Variants in GPC5 observed in about 807,000 individuals in gnomAD.
GPC5 encodes the protein glypican-5.
Under a neutral mutation model 53.9 loss-of-function variants are expected in GPC5, and 47 were observed. The observed-to-expected ratio is 0.87, with a 90% CI of 0.69 to 1.11. The LOEUF is 1.11. Among genes scored for constraint, GPC5 ranks in the 50% most tolerant of loss-of-function variants. GPC5 has a pLI of 0.00. For missense variants in GPC5, 748 were observed against 713.1 expected (o/e 1.05, Z -0.56); for synonymous variants, 286 against 263.3 (o/e 1.09, Z -0.84).
intron 5 of GPC5, among the ~76,000 whole-genome samples, chr13:91,808,573 C>T (rs1341413138): frequency 1.3e-5 from 2 of 152,146 alleles, no homozygotes; most frequent in African/African-American, 4.8e-5. Flanking sequence ...GCACAGTGAA[C>T]ATTTACATCA....
chr13:92,032,511 A>G (rs1323226372), intron 6 of GPC5, among the ~76,000 whole-genome samples: 1 of 151,794 alleles, frequency 6.6e-6, no homozygotes, highest in African/African-American at 2.4e-5. Context: ...GCACTAATAT[A>G]AGTTTGCTTC....
intron 7 of GPC5, among the ~76,000 whole-genome samples, chr13:92,149,003 A>G (rs1046579753): frequency 6.6e-6 from 1 of 152,100 alleles, no homozygotes; most frequent in African/African-American, 2.4e-5. Flanking sequence ...AATTACTTAT[A>G]AAAAGTAAGT....
chr13:91,918,902 C>T (rs960842432), intron 6 of GPC5, among the ~76,000 whole-genome samples: 3 of 152,020 alleles, frequency 2.0e-5, no homozygotes, highest in Admixed American at 2.0e-4. Context: ...CTGCATTTCC[C>T]TCTCTCATGG....
intron 6 of GPC5, among the ~76,000 whole-genome samples, chr13:92,026,687 AAAGTCTTTGCT>A (rs977749243): frequency 6.0e-4 from 91 of 152,230 alleles, no homozygotes; most frequent in Non-Finnish European, 1.0e-3. Flanking sequence ...TGTTGTTAAA[AAAGTCTTTGCT>A]CTTATCAGGA....
intron 2 of GPC5, among the ~76,000 whole-genome samples, chr13:91,479,946 T>C (rs1382599810): frequency 1.3e-5 from 2 of 152,212 alleles, no homozygotes; most frequent in Non-Finnish European, 2.9e-5. Context: ...AAGAAATATA[T>C]GCTTTGGACT....
In GPC5 at chr13:91,616,029, T is replaced by C. The variant is rs114745521; in HGVS notation, c.326-77158T>C. On this transcript the variant is annotated intron_variant, in intron 2 of 7. Transcript: ENST00000377067. ...TGAAATATTATTTAAAAGAATCCAGTGATTATATTGACAGATACTGGTGAA... is the reference window on the plus strand; with the variant it reads ...TGAAATATTATTTAAAAGAATCCAGCGATTATATTGACAGATACTGGTGAA... Among the ~76,000 whole-genome samples, 634 of 152,166 alleles carry C rather than the reference T, an allele frequency of 4.2e-3. 7 individuals carry two copies. Among genetic ancestry groups the C allele is most frequent in the African/African-American group, 0.015 (604 of 41,524 alleles).
At chr13:91,541,063 C>T (rs531480595) in intron 2 of GPC5, among the ~76,000 whole-genome samples, 1 of 152,118 alleles carries the variant, frequency 6.6e-6, no homozygotes, top group South Asian at 2.1e-4. Flanking sequence ...GTTAAAATTA[C>T]CTAATTTTTG....
chr13:92,710,291 CA>C (rs1888089020), intron 7 of GPC5, among the ~76,000 whole-genome samples: 1 of 151,370 alleles, frequency 6.6e-6, no homozygotes, highest in African/African-American at 2.4e-5. Flanking sequence ...CAAAAGAAGA[CA>C]AAAAATAAAT....
chr13:92,560,899 A>G (rs1483164436), intron 7 of GPC5, among the ~76,000 whole-genome samples: 87 of 84,658 alleles, frequency 1.0e-3, no homozygotes, highest in African/African-American at 2.4e-3. Context: ...GTGTGTGTGT[A>G]TACATATATC....
At chr13:91,457,594 G>T (rs1881651861) in intron 2 of GPC5, among the ~76,000 whole-genome samples, 1 of 152,110 alleles carries the variant, frequency 6.6e-6, no homozygotes. Flanking sequence ...CAGCACAGGG[G>T]ATGACATGAA....
chr13:92,278,587 G>A (rs2042892089), intron 7 of GPC5, among the ~76,000 whole-genome samples: 1 of 151,894 alleles, frequency 6.6e-6, no homozygotes, highest in Non-Finnish European at 1.5e-5. Context: ...TGTTGTTCAT[G>A]CTTTTGGTGT....
chr13:91,935,370 C>T (rs1228916684), intron 6 of GPC5, among the ~76,000 whole-genome samples: 5 of 151,900 alleles, frequency 3.3e-5, no homozygotes, highest in Admixed American at 2.0e-4. Context: ...CTGCAGAGCC[C>T]TCATAATTGG....
At chr13:92,165,481 G>T (rs59179734) in intron 7 of GPC5, among the ~76,000 whole-genome samples, 1,917 of 152,238 alleles carry the variant, frequency 0.013, 54 homozygotes, top group African/African-American at 0.043. Flanking sequence ...TTACAATCAT[G>T]GCAGAAGGCA....
At chr13:92,464,454 C>G (rs569147184) in intron 7 of GPC5, among the ~76,000 whole-genome samples, 5 of 151,926 alleles carry the variant, frequency 3.3e-5, no homozygotes, top group African/African-American at 1.2e-4. Flanking sequence ...TTTTTTTGTA[C>G]AAATCTGTCT....
At chr13:91,762,384 C>T (rs1473169958) in intron 5 of GPC5, among the ~76,000 whole-genome samples, 2 of 151,716 alleles carry the variant, frequency 1.3e-5, no homozygotes, top group East Asian at 3.9e-4. Flanking sequence ...TCTTCCTGAC[C>T]TTACAGCATT....
intron 2 of GPC5, among the ~76,000 whole-genome samples, chr13:91,560,600 T>A (rs1388402170): frequency 6.6e-6 from 1 of 152,050 alleles, no homozygotes; most frequent in East Asian, 1.9e-4. Flanking sequence ...GGAGTATAGC[T>A]TCATTTGTCA....
chr13:92,695,998 CT>C (rs1479125027), intron 7 of GPC5, among the ~76,000 whole-genome samples: 1 of 151,990 alleles, frequency 6.6e-6, no homozygotes, highest in Non-Finnish European at 1.5e-5. Context: ...AGTTTCCAGC[CT>C]CATCCACGTC....
intron 2 of GPC5, among the ~76,000 whole-genome samples, chr13:91,555,560 T>C (rs904727639): frequency 1.3e-5 from 2 of 152,106 alleles, no homozygotes; most frequent in Non-Finnish European, 2.9e-5. Flanking sequence ...ACTAGATTTG[T>C]CAACCTCTTT....
intron 2 of GPC5, among the ~76,000 whole-genome samples, chr13:91,449,444 C>A (rs1400140378): frequency 6.6e-6 from 1 of 151,794 alleles, no homozygotes; most frequent in Non-Finnish European, 1.5e-5. Context: ...TTTGCTGCAC[C>A]CATCAGCCCG....
Sources: allele counts gnomAD v4.1 joint callset (sites outside exome capture counted in the v4.1 genomes callset), GRCh38; gene constraint gnomAD v4.1.1; transcripts MANE v1.5; gene names NCBI Gene and HGNC (gene_info 2026-07-23, HGNC 2026-07-21).